Variants in ZNF469 observed in about 807,000 individuals in gnomAD.
ZNF469 encodes zinc finger protein 469.
Under a neutral mutation model 1.0 loss-of-function variants are expected in ZNF469, and 1 was observed. The observed-to-expected ratio is 1.00, with a 90% confidence interval of 0.35 to 4.73. The LOEUF is 4.73. Ranked by LOEUF, ZNF469 falls within the 30% of genes most tolerant of loss-of-function variation. The pLI is 0.16. For missense variants in ZNF469, 6,100 were observed against 5,356.3 expected (o/e 1.14, Z -4.33); for synonymous variants, 2,703 against 2,363.4 (o/e 1.14, Z -4.17).
chr16:88,198,062 C>T, the ZNF469 span, among the ~76,000 whole-genome samples: 3 of 152,256 alleles, frequency 2.0e-5, no homozygotes, highest in Admixed American at 6.5e-5. Flanking sequence ...CCACCACACC[C>T]ATCACAGCTA....
At chr16:88,398,119 C>T (rs1904742180) in intron 1 of ZNF469, among the ~76,000 whole-genome samples, 1 of 152,234 alleles carries the variant, frequency 6.6e-6, no homozygotes, top group African/African-American at 2.4e-5. Context: ...CCTGATGGGC[C>T]TCTGATCCCT....
the ZNF469 span, among the ~76,000 whole-genome samples, chr16:88,291,811 G>A: frequency 7.9e-5 from 12 of 152,054 alleles, no homozygotes; most frequent in East Asian, 1.9e-4. Flanking sequence ...AGTCCTCCTG[G>A]GCCTCAGTCT....
Position 88,431,717 on chromosome 16 carries a change from G to T in ZNF469, c.4247G>T (p.Cys1416Phe). ...CCGCCGGCCAGCAGCTCCTGCCTTT[G>T]CCAGGACGGCGAGGATGCCGGTTCC... ...DAPPASSSCL[C>F]QDGEDAGSLE... The change falls in exon 3 of 3, where the codon TGC becomes TTC. Residue 1416 changes from cysteine (C) to phenylalanine (F), a missense_variant. Coordinates refer to ENST00000565624, the MANE Select transcript of ZNF469 (RefSeq NM_001367624.2). The T allele has an allele frequency of 6.5e-7, 1 of 1,550,322 alleles. No homozygotes were observed. Among genetic ancestry groups the T allele is most frequent in the Non-Finnish European group, 8.7e-7 (1 of 1,146,990 alleles).
At chr16:88,393,060 G>A (rs1236045525) in intron 1 of ZNF469, among the ~76,000 whole-genome samples, 1 of 152,270 alleles carries the variant, frequency 6.6e-6, no homozygotes, top group African/African-American at 2.4e-5. Flanking sequence ...GTTGGTCTCT[G>A]CAATCTCAGT....
chr16:88,304,068 A>G, the ZNF469 span, among the ~76,000 whole-genome samples: 8,015 of 152,230 alleles, frequency 0.053, 701 homozygotes, highest in African/African-American at 0.18. Context: ...TGCAGACCAG[A>G]GTGTGCTCAG....
the ZNF469 span, among the ~76,000 whole-genome samples, chr16:88,116,813 G>A: frequency 6.6e-6 from 1 of 152,200 alleles, no homozygotes; most frequent in Non-Finnish European, 1.5e-5. Flanking sequence ...CAGGGCTGGG[G>A]ACTGTGGGTC....
the ZNF469 span, among the ~76,000 whole-genome samples, chr16:88,259,975 G>GT: frequency 1.3e-4 from 20 of 151,278 alleles, no homozygotes; most frequent in Admixed American, 6.6e-4. This position sits in a 1 kb window ranked among gnomAD's most constrained non-coding sequence, Gnocchi z 4.1. Flanking sequence ...CTTTTTTTTT[G>GT]TTTTTTTGTT....
chr16:88,314,186 C>A, the ZNF469 span, among the ~76,000 whole-genome samples: 2 of 122,130 alleles, frequency 1.6e-5, 1 homozygote, highest in Non-Finnish European at 3.7e-5. Flanking sequence ...GGACTGTCAT[C>A]TCTGTAATTC....
At chr16:88,403,977 C>G (rs1388561977) in intron 1 of ZNF469, among the ~76,000 whole-genome samples, 3 of 152,230 alleles carry the variant, frequency 2.0e-5, no homozygotes, top group Admixed American at 2.0e-4. Context: ...CCCCAGAGGC[C>G]TCTCCGCCCT....
the ZNF469 span, among the ~76,000 whole-genome samples, chr16:88,155,718 G>C: frequency 5.9e-5 from 9 of 152,320 alleles, no homozygotes; most frequent in South Asian, 8.3e-4. Context: ...AATTTAGGTC[G>C]TTTTCACTTT....
At chr16:88,380,212 C>T (rs959342400), upstream of ZNF469, among the ~76,000 whole-genome samples, 1 of 144,562 alleles carries the variant, frequency 6.9e-6, no homozygotes, top group Non-Finnish European at 1.5e-5. Flanking sequence ...TGCACTCACA[C>T]ACAAATGCAC....
intron 1 of ZNF469, among the ~76,000 whole-genome samples, chr16:88,392,525 C>T (rs1054568644): frequency 6.6e-6 from 1 of 152,218 alleles, no homozygotes; most frequent in African/African-American, 2.4e-5. Flanking sequence ...CAGACCCCCT[C>T]GGGGGCTGGT....
the ZNF469 span, among the ~76,000 whole-genome samples, chr16:88,226,161 C>T: frequency 9.9e-5 from 15 of 152,162 alleles, no homozygotes; most frequent in African/African-American, 3.4e-4. Flanking sequence ...TAAACGTCTT[C>T]CACCTTGTTA....
the ZNF469 span, among the ~76,000 whole-genome samples, chr16:88,335,890 C>T: frequency 1.7e-4 from 26 of 151,652 alleles, no homozygotes; most frequent in East Asian, 3.5e-3. Flanking sequence ...TCATCCTTCA[C>T]GTGAGGCACT....
At chr16:88,122,837 G>A in the ZNF469 span, among the ~76,000 whole-genome samples, 1 of 152,056 alleles carries the variant, frequency 6.6e-6, no homozygotes, top group Admixed American at 6.6e-5. Context: ...ATATATGTGT[G>A]TGTGTGTATA....
the ZNF469 span, among the ~76,000 whole-genome samples, chr16:88,131,524 C>A: frequency 2.0e-5 from 3 of 152,024 alleles, no homozygotes; most frequent in South Asian, 2.1e-4. Flanking sequence ...GGGGCCCAGG[C>A]CTTCTCCTAA....
At position 88,435,777 on chromosome 16, in the gene ZNF469, G is replaced by T; in HGVS notation, c.8307G>T (p.Glu2769Asp). The change falls in exon 3 of 3, where the codon GAG becomes GAT. Residue 2769 changes from glutamate to aspartate, a missense_variant. By Grantham distance (45) the Glu-to-Asp change is conservative. Coordinates refer to ENST00000565624, the MANE Select transcript of ZNF469 (RefSeq NM_001367624.2). ...RETKALGVCK[E>D]SGSEPAEDSS... ...CCAAGGCGTTGGGTGTGTGCAAAGA[G>T]TCTGGGAGCGAGCCTGCGGAGGACA... 1 of 1,550,700 alleles carries T rather than the reference G, an allele frequency of 6.4e-7. No individual in the cohort carries two copies. The highest frequency in any genetic ancestry group is 8.7e-7 in the Non-Finnish European group (1 of 1,146,952).
the ZNF469 span, among the ~76,000 whole-genome samples, chr16:88,108,119 ATGGAGGTG>A: frequency 5.8e-5 from 7 of 121,540 alleles, no homozygotes; most frequent in South Asian, 2.6e-4. Flanking sequence ...GGATGTGGGG[ATGGAGGTG>A]CACGTCTGTG....
the ZNF469 span, among the ~76,000 whole-genome samples, chr16:88,250,300 C>T: frequency 6.6e-6 from 1 of 152,218 alleles, no homozygotes; most frequent in Non-Finnish European, 1.5e-5. Flanking sequence ...TGAGTGGAAT[C>T]ATATCACGTT....
Sources: gnomAD v4.1 joint callset for allele counts (sites outside exome capture counted in the v4.1 genomes callset) on GRCh38, gnomAD v4.1.1 for gene constraint, Gnocchi (gnomAD v3.1) non-coding constraint, MANE v1.5 for transcripts, NCBI Gene and HGNC (gene_info 2026-07-23, HGNC 2026-07-21) for gene names.